The following SDHAF3 variants were observed in gnomAD, a reference collection of about 807,000 sequenced individuals.
The protein encoded by SDHAF3 is succinate dehydrogenase assembly factor 3, mitochondrial.
Under a neutral mutation model 11.5 loss-of-function variants are expected in SDHAF3, and 18 were observed. The observed-to-expected ratio is 1.56, with a 90% CI of 1.08 to 2.32. SDHAF3 has a LOEUF of 2.32. Ranked by LOEUF, SDHAF3 falls within the 30% of genes most tolerant of loss-of-function variation. The pLI is 0.00. For synonymous variants in SDHAF3, 72 were observed against 59.3 expected, an observed-to-expected ratio of 1.21 and a Z score of -0.99; for missense variants, 200 against 154.4, an observed-to-expected ratio of 1.30 and a Z score of -1.57.
In SDHAF3 at chr7:97,178,263, T is replaced by C. The variant is rs143576735; in HGVS notation, c.175-2749T>C. On this transcript the variant is annotated intron_variant, in intron 1 of 1. Coordinates refer to ENST00000432641, the MANE Select transcript of SDHAF3 (RefSeq NM_020186.3). ...TTTAAGGGTGATAAATATTCCATTG[T>C]ATGTGTATACCACATTTTGTTTATC... Among the ~76,000 whole-genome samples the C allele has an allele frequency of 3.6e-3, 553 of 152,374 alleles. 1 individual carries two copies. The highest frequency in any genetic ancestry group is 0.013 in the African/African-American group (526 of 41,592).
chr7:97,137,221 G>A (rs1265802536), intron 1 of SDHAF3, among the ~76,000 whole-genome samples: 1 of 151,954 alleles, frequency 6.6e-6, no homozygotes, highest in Non-Finnish European at 1.5e-5. Flanking sequence ...TCTAACATAC[G>A]TTCTGTTAGA....
chr7:97,117,931 T>G, intron 1 of SDHAF3, 34 bp downstream of exon 1: 4 of 1,606,028 alleles, frequency 2.5e-6, no homozygotes, highest in Non-Finnish European at 2.6e-6. Context: ...GCCCAAGACC[T>G]TTGGGGTTCC....
intron 1 of SDHAF3, among the ~76,000 whole-genome samples, chr7:97,129,597 G>GT (rs1354820314): frequency 6.6e-6 from 1 of 152,130 alleles, no homozygotes; most frequent in Non-Finnish European, 1.5e-5. Context: ...ATCCTTTCAT[G>GT]TTAAAGATGA....
intron 1 of SDHAF3, among the ~76,000 whole-genome samples, chr7:97,154,080 G>A (rs1000746977): frequency 3.3e-5 from 5 of 152,098 alleles, no homozygotes; most frequent in Non-Finnish European, 7.3e-5. Context: ...GGGATAGGCG[G>A]TGGAGTTAGG....
intron 1 of SDHAF3, among the ~76,000 whole-genome samples, chr7:97,155,479 T>C (rs1584225220): frequency 6.6e-6 from 1 of 152,212 alleles, no homozygotes; most frequent in African/African-American, 2.4e-5. Flanking sequence ...CTGGAAACCT[T>C]TTCTGCCCCA....
At chr7:97,168,678 C>G (rs145621901) in intron 1 of SDHAF3, among the ~76,000 whole-genome samples, 1 of 152,086 alleles carries the variant, frequency 6.6e-6, no homozygotes, top group Non-Finnish European at 1.5e-5. Context: ...TCCTGCTAAC[C>G]GGGGGTGTAA....
intron 1 of SDHAF3, among the ~76,000 whole-genome samples, chr7:97,157,116 G>A (rs1173591215): frequency 6.6e-6 from 1 of 152,106 alleles, no homozygotes; most frequent in Non-Finnish European, 1.5e-5. Context: ...TACCCTAGTG[G>A]ATTGCCTTGC....
intron 1 of SDHAF3, among the ~76,000 whole-genome samples, chr7:97,162,262 T>A (rs1322256545): frequency 6.6e-6 from 1 of 152,072 alleles, no homozygotes; most frequent in East Asian, 1.9e-4. Context: ...CCTTTGCCCA[T>A]TTTTTTGATG....
chr7:97,133,507 G>A (rs1019418571), intron 1 of SDHAF3, among the ~76,000 whole-genome samples: 1 of 152,116 alleles, frequency 6.6e-6, no homozygotes. Flanking sequence ...CTACAGCTTC[G>A]TTGCCCTTTT....
At chr7:97,124,173 A>C (rs186467072) in intron 1 of SDHAF3, among the ~76,000 whole-genome samples, 2 of 150,844 alleles carry the variant, frequency 1.3e-5, no homozygotes, top group East Asian at 3.9e-4. Context: ...TTGGTTGTAA[A>C]GTGTAAGGAA....
intron 1 of SDHAF3, among the ~76,000 whole-genome samples, chr7:97,121,474 G>GAAT (rs1791495716): frequency 6.6e-6 from 1 of 152,176 alleles, no homozygotes; most frequent in Non-Finnish European, 1.5e-5. Context: ...CCTGTTCTGT[G>GAAT]TCTGTTGTGG....
intron 1 of SDHAF3, among the ~76,000 whole-genome samples, chr7:97,127,329 G>C (rs58750450): frequency 0.025 from 3,810 of 152,264 alleles, 147 homozygotes; most frequent in African/African-American, 0.087. Flanking sequence ...CGGACTGACT[G>C]TAACTGCTCT....
At chr7:97,156,446 A>G (rs1432150644) in intron 1 of SDHAF3, among the ~76,000 whole-genome samples, 3 of 152,230 alleles carry the variant, frequency 2.0e-5, no homozygotes, top group African/African-American at 7.2e-5. Flanking sequence ...CTCCACTGTT[A>G]TCTTTTGCTT....
chr7:97,164,255 TCTCA>T (rs1189708332), intron 1 of SDHAF3, among the ~76,000 whole-genome samples: 2 of 150,356 alleles, frequency 1.3e-5, no homozygotes, highest in Non-Finnish European at 3.0e-5. Context: ...GGAGACGGAG[TCTCA>T]CTCTGTCACC....
At chr7:97,158,359 A>G (rs1167281298) in intron 1 of SDHAF3, among the ~76,000 whole-genome samples, 1 of 152,040 alleles carries the variant, frequency 6.6e-6, no homozygotes, top group African/African-American at 2.4e-5. Flanking sequence ...ACAAAGTCTC[A>G]CTCTGTTGCC....
chr7:97,121,919 G>A (rs906396660), intron 1 of SDHAF3, among the ~76,000 whole-genome samples: 4 of 149,746 alleles, frequency 2.7e-5, no homozygotes, highest in South Asian at 2.1e-4. Context: ...GTGCAGTGGC[G>A]TGATCTCAGC....
intron 1 of SDHAF3, among the ~76,000 whole-genome samples, chr7:97,118,136 G>T (rs1791437091): frequency 6.6e-6 from 1 of 152,162 alleles, no homozygotes; most frequent in South Asian, 2.1e-4. Context: ...GATGCCAGGT[G>T]CTCAAAGGGT....
chr7:97,153,334 T>G (rs1275605720), intron 1 of SDHAF3, among the ~76,000 whole-genome samples: 1 of 152,234 alleles, frequency 6.6e-6, no homozygotes, highest in Non-Finnish European at 1.5e-5. Context: ...TTGGCTGCTT[T>G]TATTTGGTAA....
At chr7:97,177,199 A>G (rs1464992774) in intron 1 of SDHAF3, among the ~76,000 whole-genome samples, 2 of 152,042 alleles carry the variant, frequency 1.3e-5, no homozygotes, top group Non-Finnish European at 2.9e-5. Flanking sequence ...AATTCATAAA[A>G]CTTTATAAAA....
Sources: gnomAD v4.1 joint callset for allele counts (sites outside exome capture counted in the v4.1 genomes callset) on GRCh38, gnomAD v4.1.1 for gene constraint, MANE v1.5 for transcripts, NCBI Gene and HGNC (gene_info 2026-07-23, HGNC 2026-07-21) for gene names.